The following EFHB variants were observed in gnomAD, a reference collection of about 807,000 sequenced individuals.
The protein encoded by EFHB is EF-hand domain-containing family member B.
Under a neutral mutation model 87.2 loss-of-function variants are expected in EFHB, and 91 were observed. The observed-to-expected ratio is 1.04, with a 90% CI of 0.88 to 1.24. The LOEUF is 1.24. Ranked by LOEUF, EFHB falls within the 50% of genes most tolerant of loss-of-function variation. The probability of loss-of-function intolerance (pLI) is 0.00; values close to 1 mark genes in which losing one functional copy is unlikely to be tolerated. For synonymous variants in EFHB, 325 were observed against 333.6 expected (o/e 0.97, Z 0.28); for missense variants, 1,084 against 998.8 (o/e 1.09, Z -1.15).
At chr3:19,910,050 A>T (rs1210188273) in intron 5 of EFHB, among the ~76,000 whole-genome samples, 1 of 151,826 alleles carries the variant, frequency 6.6e-6, no homozygotes, top group Non-Finnish European at 1.5e-5. Flanking sequence ...CTACAGAGCA[A>T]AACTCCTTCT....
chr3:19,882,632 G>A lies in EFHB; in HGVS notation c.2246C>T (p.Ala749Val). Residue 749 changes from alanine (A) to valine (V), a missense_variant, in exon 12 of 13, where the codon GCA becomes GTA. Physicochemically the swap from Ala to Val is moderately conservative, Grantham distance 64. Transcript: ENST00000295824. ...AATGGTAGGATATAGTAGTGAATATGCACTACCTTCTTCACCATAATTAGT... is the reference window on the plus strand; with the variant it reads ...AATGGTAGGATATAGTAGTGAATATACACTACCTTCTTCACCATAATTAGT... ...DRTNYGEEGS[A>V]YSLLYPTIFA... 2 of 1,613,318 alleles carry A rather than the reference G, an allele frequency of 1.2e-6. No homozygotes were observed. The highest frequency in any genetic ancestry group is 3.3e-5 in the Admixed American group (2 of 59,948).
chr3:19,894,989 A>AATATATATATATATATAT (rs1553629698), intron 9 of EFHB: 28 of 144,510 alleles, frequency 1.9e-4, no homozygotes, highest in African/African-American at 7.4e-4. Context: ...TGTCTCAAAA[A>AATATATATATATATATAT]ATATATATAT....
chr3:19,907,625 T>C (rs1382896621), intron 5 of EFHB, among the ~76,000 whole-genome samples: 2 of 152,218 alleles, frequency 1.3e-5, no homozygotes, highest in African/African-American at 2.4e-5. Context: ...CAAAGGGTGA[T>C]TGAGAGCTGA....
intron 9 of EFHB, chr3:19,894,976 CTT>C (rs1694425593): frequency 1.4e-5 from 2 of 138,968 alleles, no homozygotes; most frequent in East Asian, 3.9e-4. Flanking sequence ...AAGAGCAAGA[CTT>C]TGTCTCAAAA....
At chr3:19,941,910 T>C (rs1329558198) in intron 1 of EFHB, among the ~76,000 whole-genome samples, 1 of 141,898 alleles carries the variant, frequency 7.0e-6, no homozygotes. Context: ...TCCCAGCACT[T>C]TGGGAGGCTG....
rs560823396 is a variant in EFHB at position 19,921,013 on chromosome 3, T to G, written c.790-446A>C. ...GTGAGCTGTGATCACATCACTGTAC[T>G]CCATCCTGGGCAATGGAGCAAGACC... On this transcript the variant is annotated intron_variant, in intron 1 of 12. Transcript: ENST00000295824. Among the ~76,000 whole-genome samples the G allele has an allele frequency of 3.5e-4, 53 of 152,234 alleles. 2 individuals carry two copies. The East Asian group carries it at 0.01, about 29-fold the overall frequency.
At chr3:19,885,035 A>AAC (rs1226237871) in intron 10 of EFHB, among the ~76,000 whole-genome samples, 1 of 152,082 alleles carries the variant, frequency 6.6e-6, no homozygotes, top group Non-Finnish European at 1.5e-5. Context: ...CAGCCTGGCC[A>AAC]ACATGATGAA....
chr3:19,901,994 G>A (rs992065980), intron 6 of EFHB, among the ~76,000 whole-genome samples: 1 of 151,920 alleles, frequency 6.6e-6, no homozygotes, highest in Non-Finnish European at 1.5e-5. Flanking sequence ...TTAGGAACAT[G>A]CAGAGATGAT....
At chr3:19,907,021 C>G (rs752225746) in intron 5 of EFHB, among the ~76,000 whole-genome samples, 70 of 150,064 alleles carry the variant, frequency 4.7e-4, no homozygotes, top group Non-Finnish European at 6.2e-4. Flanking sequence ...CAACACCATA[C>G]ACAAAAATCA....
chr3:19,912,668 A>G (rs79466875), intron 5 of EFHB, among the ~76,000 whole-genome samples: 2 of 152,176 alleles, frequency 1.3e-5, no homozygotes, highest in Non-Finnish European at 2.9e-5. Flanking sequence ...ACTTTTCAAG[A>G]CATAGAGATT....
intron 4 of EFHB, among the ~76,000 whole-genome samples, chr3:19,916,471 C>T (rs1279549206): frequency 5.5e-4 from 83 of 151,814 alleles, no homozygotes; most frequent in Non-Finnish European, 1.0e-3. Flanking sequence ...GCCAAGATCA[C>T]GACACTGCAC....
At chr3:19,938,959 T>C (rs1696085057), upstream of EFHB, among the ~76,000 whole-genome samples, 1 of 152,168 alleles carries the variant, frequency 6.6e-6, no homozygotes, top group African/African-American at 2.4e-5. Context: ...CAGGCTGCAG[T>C]GCAGTGGCAC....
chr3:19,885,495 T>C (rs1456388164), intron 10 of EFHB, among the ~76,000 whole-genome samples: 3 of 152,338 alleles, frequency 2.0e-5, no homozygotes, highest in Admixed American at 2.0e-4. Flanking sequence ...CTTTTGCAGA[T>C]TGCTTTGCTG....
intron 10 of EFHB, among the ~76,000 whole-genome samples, 192 bp from the exon 11 acceptor site, chr3:19,884,807 G>A (rs1169109856): frequency 6.6e-6 from 1 of 151,178 alleles, no homozygotes; most frequent in Non-Finnish European, 1.5e-5. Flanking sequence ...CAGGAAATCT[G>A]AACATGGCCT....
intron 1 of EFHB, among the ~76,000 whole-genome samples, chr3:19,946,411 GAATTC>G (rs1696282377): frequency 6.6e-6 from 1 of 152,226 alleles, no homozygotes; most frequent in Admixed American, 6.5e-5. Flanking sequence ...TCGAGTGTAA[GAATTC>G]AATGGGATAA....
rs779530581 is a variant in EFHB, at chr3:19,933,323, C to T, written c.696G>A (p.Glu232=). 3.1e-6 allele frequency: 5 copies of T among 1,613,876 alleles called. No homozygotes were observed. The highest frequency in any genetic ancestry group is 4.2e-6 in the Non-Finnish European group (5 of 1,179,900). ...CCACTCCTGATTCAATGTTTCCAGC[C>T]TCCTTTCTCTGTTCATGTTGTTGGG... ...QFAQQHEQRK[E]AGNIESGVEP... is the part of the protein sequence containing the mutation. Residue 232 remains glutamate, a synonymous_variant, in exon 1 of 13, where the codon GAG becomes GAA. Coordinates refer to ENST00000295824, the MANE Select transcript of EFHB (RefSeq NM_144715.4).
Position 19,882,556 on chromosome 3 carries a change from T to C in EFHB, c.2322A>G (p.Lys774=), listed in dbSNP as rs199867500. The change falls in exon 12 of 13, where the codon AAA becomes AAG. Residue 774 remains lysine (K), a synonymous_variant. Transcript: ENST00000295824. The stretch of plus-strand genomic sequence containing the variant: ...GTATGCTTATATGCTATACCTCTTC[T>C]TTTGATCTGGTCTTGAAGAAGTCTC... ...FERDFFKTRS[K]EEIAEILCNI... The C allele has an allele frequency of 2.8e-5, 44 of 1,598,586 alleles. No homozygotes were observed. The highest frequency in any genetic ancestry group is 4.0e-5 in the African/African-American group (3 of 74,800).
intron 9 of EFHB, among the ~76,000 whole-genome samples, chr3:19,890,859 C>G (rs1286337749): frequency 6.6e-6 from 1 of 152,152 alleles, no homozygotes; most frequent in East Asian, 1.9e-4. Flanking sequence ...CTTCTGGAAA[C>G]TGAACACTGG....
rs113968495 is a variant in EFHB at position 19,899,421 on chromosome 3, C to T, written c.1502+11G>A. On this transcript the variant is annotated intron_variant, in intron 7 of 12. Transcript: ENST00000295824. ...AAGAAACTATCAATTTGAAGTTAATCATTAACTTACGGATCTAAAACTCTT... is the reference window on the plus strand; with the variant it reads ...AAGAAACTATCAATTTGAAGTTAATTATTAACTTACGGATCTAAAACTCTT... 2.4e-4 allele frequency: 369 copies of T among 1,563,798 alleles called. 1 individual carries two copies. In the African/African-American group the frequency reaches 4.3e-3, roughly 18 times the overall value.
Sources: allele counts gnomAD v4.1 joint callset (sites outside exome capture counted in the v4.1 genomes callset), GRCh38; gene constraint gnomAD v4.1.1; transcripts MANE v1.5; gene names NCBI Gene and HGNC (gene_info 2026-07-23, HGNC 2026-07-21).